Variants in ACO2 observed in about 807,000 individuals in gnomAD.
The protein encoded by ACO2 is aconitate hydratase, mitochondrial.
A neutral mutation model predicts 84.5 loss-of-function variants in ACO2; 31 were observed. The observed-to-expected ratio is 0.37, with a 90% CI of 0.28 to 0.50. ACO2 has a LOEUF of 0.50. Ranked by LOEUF, ACO2 falls within the 20% of genes least tolerant of loss-of-function variation. The pLI is 0.97. For synonymous variants in ACO2, 414 were observed against 412.7 expected (o/e 1.00, Z -0.04); for missense variants, 685 against 1,029.3 (o/e 0.67, Z 4.58).
intron 1 of ACO2, among the ~76,000 whole-genome samples, chr22:41,486,620 G>A (rs1021584769): frequency 3.3e-5 from 5 of 149,702 alleles, no homozygotes; most frequent in African/African-American, 4.9e-5. Flanking sequence ...ACAGGCACCC[G>A]CCACCGTGCC....
chr22:41,517,555 A>G lies in ACO2; in HGVS notation c.864A>G (p.Ala288=). Residue 288 remains alanine, a synonymous_variant, in exon 7 of 18, where the codon GCA becomes GCG. Coordinates refer to ENST00000216254, the MANE Select transcript of ACO2 (RefSeq NM_001098.3). ...TGGCGACAATCTGCAACATGGGTGC[A>G]GAAATTGGGGCCACCACTTCCGTGT... The part of the protein sequence containing the change: ...TGMATICNMG[A]EIGATTSVFP... 1 of 1,613,988 alleles carries G rather than the reference A, an allele frequency of 6.2e-7. No homozygotes were observed. Among genetic ancestry groups the G allele is most frequent in the Non-Finnish European group, 8.5e-7 (1 of 1,179,996 alleles).
In ACO2 at chr22:41,472,783, T is replaced by C. The variant is rs567583909; in HGVS notation, c.36+3601T>C. Among the ~76,000 whole-genome samples the C allele has an allele frequency of 3.3e-5, 5 of 152,264 alleles. No homozygotes were observed. In the South Asian group the frequency reaches 1.0e-3, roughly 32 times the overall value. ...GATTTTTGAAAAACCACATTTATTC[T>C]CTGGTTTTTAGCATTTATTTTTGTG... On this transcript the variant is annotated intron_variant, in intron 1 of 17. Transcript: ENST00000216254.
At chr22:41,483,412 T>C (rs981279319) in intron 1 of ACO2, among the ~76,000 whole-genome samples, 9 of 152,192 alleles carry the variant, frequency 5.9e-5, no homozygotes, top group African/African-American at 2.2e-4. Flanking sequence ...ATCCCAGCAC[T>C]TTGGGAGGCC....
At chr22:41,492,714 C>T (rs2066280569) in intron 1 of ACO2, among the ~76,000 whole-genome samples, 1 of 151,692 alleles carries the variant, frequency 6.6e-6, no homozygotes, top group South Asian at 2.1e-4. Context: ...CAGAGGTTAC[C>T]GTGAGCCGAG....
chr22:41,518,648 A>C, intron 8 of ACO2, 76 bp downstream of exon 8: 5 of 1,165,830 alleles, frequency 4.3e-6, no homozygotes, highest in Middle Eastern at 2.0e-4. Flanking sequence ...CTAAATACTC[A>C]CTGAGGGCCG....
chr22:41,517,260 G>C (rs1376454957), intron 6 of ACO2: 3 of 444,282 alleles, frequency 6.8e-6, no homozygotes, highest in South Asian at 4.3e-5. Context: ...GTGTGTGGGG[G>C]CTGAATCTTC....
chr22:41,519,681 G>A (rs1271633125), intron 8 of ACO2, among the ~76,000 whole-genome samples: 4 of 152,132 alleles, frequency 2.6e-5, no homozygotes, highest in Non-Finnish European at 5.9e-5. Flanking sequence ...GGTGGCGGGC[G>A]CCTGTAGTCC....
At chr22:41,484,923 G>A (rs1391643091) in intron 1 of ACO2, among the ~76,000 whole-genome samples, 1 of 143,076 alleles carries the variant, frequency 7.0e-6, no homozygotes, top group African/African-American at 2.6e-5. Flanking sequence ...TGCCCAGGCT[G>A]GAGTGCAATG....
At chr22:41,477,109 G>A (rs1453765338) in intron 1 of ACO2, among the ~76,000 whole-genome samples, 1 of 150,480 alleles carries the variant, frequency 6.6e-6, no homozygotes, top group East Asian at 2.0e-4. Context: ...TAAATTAAAG[G>A]TAGGGAGAAT....
intron 16 of ACO2, 83 bp from the exon 17 acceptor site, chr22:41,527,818 T>A: frequency 6.2e-7 from 1 of 1,601,418 alleles, no homozygotes; most frequent in Non-Finnish European, 8.5e-7. Context: ...TAGGGGCATC[T>A]CCCAGAGCCC....
intron 12 of ACO2, among the ~76,000 whole-genome samples, chr22:41,524,288 G>A (rs1251699723): frequency 6.6e-6 from 1 of 152,208 alleles, no homozygotes; most frequent in Non-Finnish European, 1.5e-5. Flanking sequence ...GGGAAAGTGC[G>A]TGGGACACAT....
intron 12 of ACO2, 137 bp downstream of exon 12, chr22:41,524,078 C>A (rs995733097): frequency 2.8e-6 from 2 of 712,940 alleles, no homozygotes; most frequent in East Asian, 5.5e-5. Context: ...CAGCCTCAGG[C>A]GCATGCTTGG....
chr22:41,489,575 G>A (rs566106898), intron 1 of ACO2, among the ~76,000 whole-genome samples: 2 of 152,226 alleles, frequency 1.3e-5, no homozygotes, highest in Admixed American at 1.3e-4. Flanking sequence ...CCTGTAGAAT[G>A]TCCACCTTCT....
intron 1 of ACO2, among the ~76,000 whole-genome samples, chr22:41,480,890 A>T (rs963194881): frequency 6.6e-6 from 1 of 152,046 alleles, no homozygotes; most frequent in Non-Finnish European, 1.5e-5. Context: ...ATCTTGGCTC[A>T]CAGCAGCCTC....
chr22:41,525,035 G>A (rs2066568038), intron 13 of ACO2, 67 bp downstream of exon 13: 3 of 1,612,468 alleles, frequency 1.9e-6, no homozygotes, highest in Non-Finnish European at 2.5e-6. Context: ...CAACCTCACA[G>A]CACCTCCTGT....
chr22:41,479,450 T>A (rs2038061282), intron 1 of ACO2, among the ~76,000 whole-genome samples: 1 of 152,136 alleles, frequency 6.6e-6, no homozygotes, highest in South Asian at 2.1e-4. Context: ...GTTAAATAGC[T>A]CCTCTGAGGT....
chr22:41,512,578 G>A (rs781173396), intron 4 of ACO2, among the ~76,000 whole-genome samples: 8 of 152,158 alleles, frequency 5.3e-5, no homozygotes, highest in African/African-American at 1.4e-4. Context: ...CTGCTCTGCC[G>A]CCTCCCTCGC....
At chr22:41,482,328 G>C (rs891551963) in intron 1 of ACO2, among the ~76,000 whole-genome samples, 1 of 152,258 alleles carries the variant, frequency 6.6e-6, no homozygotes, top group African/African-American at 2.4e-5. Flanking sequence ...CGGTAGCACA[G>C]GGAGAAAGTC....
intron 2 of ACO2, among the ~76,000 whole-genome samples, chr22:41,502,462 A>G (rs1282906010): frequency 1.3e-5 from 2 of 152,190 alleles, no homozygotes; most frequent in African/African-American, 4.8e-5. Context: ...TGTCCCTGTC[A>G]ATATAGGACG....
Sources: allele counts gnomAD v4.1 joint callset (sites outside exome capture counted in the v4.1 genomes callset), GRCh38; gene constraint gnomAD v4.1.1; transcripts MANE v1.5; gene names NCBI Gene and HGNC (gene_info 2026-07-23, HGNC 2026-07-21).